The following OLFM2 variants were observed in gnomAD, a reference collection of about 807,000 sequenced individuals.
OLFM2 encodes the protein noelin-2.
OLFM2 carries 20 observed loss-of-function variants against 43.9 expected under a neutral mutation model. That is an observed-to-expected ratio of 0.46 (90% CI 0.32 to 0.66). The LOEUF is 0.66. Among genes scored for constraint, OLFM2 ranks in the 30% least tolerant of loss-of-function variants. The pLI is 0.04. For synonymous variants in OLFM2, 268 were observed against 278.6 expected (o/e 0.96, Z 0.38); for missense variants, 416 against 643.6 (o/e 0.65, Z 3.83).
chr19:9,876,915 GAAGTA>G (rs1175354170), intron 1 of OLFM2, among the ~76,000 whole-genome samples: 2 of 152,134 alleles, frequency 1.3e-5, no homozygotes, highest in African/African-American at 4.8e-5. Context: ...GTTTATTAGA[GAAGTA>G]AAGAAACAGA....
At chr19:9,934,691 T>A (rs937795494) in intron 1 of OLFM2, among the ~76,000 whole-genome samples, 3 of 152,118 alleles carry the variant, frequency 2.0e-5, no homozygotes, top group Non-Finnish European at 4.4e-5. Context: ...ATCCATTGAG[T>A]ACCTATTGTG....
At position 9,856,866 on chromosome 19, in the gene OLFM2, T is replaced by C. The variant is rs747662258; in HGVS notation, c.628A>G (p.Met210Val). Residue 210 changes from methionine to valine, a missense_variant, in exon 5 of 6, where the codon ATG (methionine) becomes GTG (valine). Met to Val is a conservative substitution (Grantham distance 21). Coordinates refer to ENST00000264833, the MANE Select transcript of OLFM2 (RefSeq NM_058164.4). The surrounding 1 kb of genome is among the most constrained non-coding windows in gnomAD (Gnocchi z 4.0). ...ATCCAGGAGCCGAAGCGGGACCCCA[T>C]GGCCCGAACGGTGATGGGGTTACTG... ...GVSNPITVRA[M>V]GSRFGSWMTD... 3.1e-6 allele frequency: 5 copies of C among 1,613,512 alleles called. No homozygotes were observed. Among genetic ancestry groups the C allele is most frequent in the Non-Finnish European group, 4.2e-6 (5 of 1,179,826 alleles).
At chr19:9,915,185 A>G (rs2046864885) in intron 1 of OLFM2, among the ~76,000 whole-genome samples, 1 of 151,824 alleles carries the variant, frequency 6.6e-6, no homozygotes, top group Non-Finnish European at 1.5e-5. Context: ...ACTGTGAACA[A>G]CAGACAAAAA....
chr19:9,867,370 C>CA (rs1209745474), intron 1 of OLFM2, among the ~76,000 whole-genome samples: 2 of 151,510 alleles, frequency 1.3e-5, no homozygotes, highest in African/African-American at 4.8e-5. Context: ...GACCCCGTCT[C>CA]AAAAAAACAA....
At chr19:9,919,176 C>CTTTCTTTTTTTTTTTTT (rs1555728852) in intron 1 of OLFM2, among the ~76,000 whole-genome samples, 1 of 149,180 alleles carries the variant, frequency 6.7e-6, no homozygotes. Flanking sequence ...ATTTCTCTCT[C>CTTTCTTTTTTTTTTTTT]TTTTTTTTGA....
intron 1 of OLFM2, among the ~76,000 whole-genome samples, chr19:9,934,503 C>T (rs1359094606): frequency 6.6e-6 from 1 of 151,900 alleles, no homozygotes; most frequent in Admixed American, 6.6e-5. Context: ...AAATCTAGTG[C>T]CCCCCTAGCA....
rs141727277 is a variant in OLFM2 at position 9,927,691 on chromosome 19, G to A, written c.63+8613C>T. Among the ~76,000 whole-genome samples, 239 of 152,274 alleles carry A rather than the reference G, an allele frequency of 1.6e-3. 2 individuals carry two copies. Among genetic ancestry groups the A allele is most frequent in the Middle Eastern group, 6.8e-3 (2 of 294 alleles). On this transcript the variant is annotated intron_variant, in intron 1 of 5. Transcript: ENST00000264833. The stretch of plus-strand genomic sequence containing the variant: ...TTGGCAACTGACAGCCATTCAGAGC[G>A]GACTGTGTCACGTCCCTCCTGAGTG...
chr19:9,906,269 C>G (rs1169085450), intron 1 of OLFM2, among the ~76,000 whole-genome samples: 1 of 152,036 alleles, frequency 6.6e-6, no homozygotes, highest in Non-Finnish European at 1.5e-5. Context: ...CACTCATTGG[C>G]TGGTTCCCTC....
chr19:9,877,508 G>A (rs998783115), intron 1 of OLFM2, among the ~76,000 whole-genome samples: 4 of 151,356 alleles, frequency 2.6e-5, no homozygotes, highest in Admixed American at 2.0e-4. Flanking sequence ...ACTCCAGCCT[G>A]GGCAACAAGA....
At chr19:9,927,844 T>G (rs888783414) in intron 1 of OLFM2, among the ~76,000 whole-genome samples, 2 of 152,046 alleles carry the variant, frequency 1.3e-5, no homozygotes. Context: ...GGCGGATCAC[T>G]TGAGGTCAGG....
At chr19:9,865,883 C>T (rs1429111460) in intron 1 of OLFM2, among the ~76,000 whole-genome samples, 1 of 151,980 alleles carries the variant, frequency 6.6e-6, no homozygotes, top group Non-Finnish European at 1.5e-5. Flanking sequence ...CCCCTCCTCC[C>T]CTGGCTCTAG....
chr19:9,872,504 G>C (rs1027932878), intron 1 of OLFM2, among the ~76,000 whole-genome samples: 3 of 133,910 alleles, frequency 2.2e-5, no homozygotes, highest in African/African-American at 8.6e-5. Context: ...GACAGAGCGA[G>C]ACCCTGTCTC....
rs541820049 is a variant in OLFM2 at position 9,880,073 on chromosome 19, G to A, written c.64-19279C>T. ...GTTACAGGCATAAGCCACTGGGCCC[G>A]GTCTGGTCTTAAACTGTTGAGCTCA... On this transcript the variant is annotated intron_variant, in intron 1 of 5. Coordinates refer to ENST00000264833, the MANE Select transcript of OLFM2 (RefSeq NM_058164.4). 1.6e-4 allele frequency among the ~76,000 whole-genome samples: 25 copies of A among 152,124 alleles called. No individual in the cohort carries two copies. In the East Asian group the frequency reaches 3.3e-3, roughly 20 times the overall value.
chr19:9,876,372 C>T (rs1202003723), intron 1 of OLFM2, among the ~76,000 whole-genome samples: 1 of 152,126 alleles, frequency 6.6e-6, no homozygotes, highest in Admixed American at 6.6e-5. Flanking sequence ...GTGTTTGCTG[C>T]GAGTCCCCCA....
intron 1 of OLFM2, among the ~76,000 whole-genome samples, chr19:9,878,058 C>T (rs1390600842): frequency 1.3e-5 from 2 of 151,982 alleles, no homozygotes; most frequent in African/African-American, 2.4e-5. Context: ...GCCACATTGC[C>T]CAGGTGGGTC....
intron 1 of OLFM2, among the ~76,000 whole-genome samples, chr19:9,863,834 AAAC>A (rs2046381537): frequency 6.6e-6 from 1 of 152,242 alleles, no homozygotes; most frequent in African/African-American, 2.4e-5. Context: ...TCTATAAGGA[AAAC>A]AAACCATTCA....
chr19:9,899,864 G>A (rs533332814), intron 1 of OLFM2, among the ~76,000 whole-genome samples: 22 of 148,778 alleles, frequency 1.5e-4, no homozygotes, highest in African/African-American at 3.5e-4. Context: ...CCCCACCCCC[G>A]CCGGATACTG....
intron 1 of OLFM2, among the ~76,000 whole-genome samples, chr19:9,919,789 ATTTTTTTTT>A (rs750249042): frequency 1.1e-5 from 1 of 90,574 alleles, no homozygotes; most frequent in Non-Finnish European, 2.1e-5. Flanking sequence ...GACCACTGCC[ATTTTTTTTT>A]TTTTTTTTTT....
At chr19:9,924,752 C>G (rs1265439953) in intron 1 of OLFM2, among the ~76,000 whole-genome samples, 1 of 152,082 alleles carries the variant, frequency 6.6e-6, no homozygotes, top group African/African-American at 2.4e-5. Context: ...GAAGTGTAGT[C>G]TAGTGTTTCT....
Sources: allele counts gnomAD v4.1 joint callset (sites outside exome capture counted in the v4.1 genomes callset), GRCh38; gene constraint gnomAD v4.1.1; non-coding constraint Gnocchi (gnomAD v3.1); transcripts MANE v1.5; gene names NCBI Gene and HGNC (gene_info 2026-07-23, HGNC 2026-07-21).